Variants in TSPAN5 observed in about 807,000 individuals in gnomAD.
The protein encoded by TSPAN5 is tetraspanin 5, also known as tetraspanin-5.
A neutral mutation model predicts 37.1 loss-of-function variants in TSPAN5; 10 were observed. That is an observed-to-expected ratio of 0.27 (90% confidence interval 0.17 to 0.46). TSPAN5 has a LOEUF of 0.46. Among genes scored for constraint, TSPAN5 ranks in the 20% least tolerant of loss-of-function variants. TSPAN5 has a pLI of 1.00. For missense variants in TSPAN5, 195 were observed against 326.6 expected, an observed-to-expected ratio of 0.60 and a Z score of 3.11; for synonymous variants, 110 against 118.9, an observed-to-expected ratio of 0.93 and a Z score of 0.48.
At chr4:98,537,791 C>T (rs902392694) in intron 1 of TSPAN5, among the ~76,000 whole-genome samples, 1 of 152,242 alleles carries the variant, frequency 6.6e-6, no homozygotes, top group Non-Finnish European at 1.5e-5. Flanking sequence ...CTTCCATCCA[C>T]ACCCCTCTGC....
Position 98,616,815 on chromosome 4 carries a change from T to TACAC in TSPAN5, c.81+41327_81+41330dup, listed in dbSNP as rs143467080. Among the ~76,000 whole-genome samples the TACAC allele has an allele frequency of 7.7e-3, 1,165 of 152,056 alleles. 13 individuals carry two copies. Among genetic ancestry groups the TACAC allele is most frequent in the South Asian group, 0.043 (206 of 4,808 alleles). On this transcript the variant is annotated intron_variant, in intron 1 of 7. Coordinates refer to ENST00000305798, the MANE Select transcript of TSPAN5 (RefSeq NM_005723.4). ...GGTCCTTCTCTCCATAAAATAACGATACACTCCAATTTCCAAATTCTTGAA... is the reference window on the plus strand; with the variant it reads ...GGTCCTTCTCTCCATAAAATAACGATACACACACTCCAATTTCCAAATTCTTGAA...
intron 1 of TSPAN5, among the ~76,000 whole-genome samples, chr4:98,610,817 T>C (rs1756168107): frequency 6.6e-6 from 1 of 152,140 alleles, no homozygotes; most frequent in African/African-American, 2.4e-5. Flanking sequence ...ACTAATGTGG[T>C]AGTCAGTGCC....
At chr4:98,574,045 G>A (rs1430846483) in intron 1 of TSPAN5, among the ~76,000 whole-genome samples, 1 of 152,144 alleles carries the variant, frequency 6.6e-6, no homozygotes, top group African/African-American at 2.4e-5. Flanking sequence ...ATTTTAAAAA[G>A]GCCAAGAGTT....
At chr4:98,491,486 G>A (rs1388258808) in intron 2 of TSPAN5, among the ~76,000 whole-genome samples, 2 of 152,082 alleles carry the variant, frequency 1.3e-5, no homozygotes, top group African/African-American at 4.8e-5. Flanking sequence ...TCAAGAAATC[G>A]AGACCATCCT....
chr4:98,487,484 T>G (rs976717526), intron 2 of TSPAN5, among the ~76,000 whole-genome samples: 3 of 152,132 alleles, frequency 2.0e-5, no homozygotes, highest in Non-Finnish European at 4.4e-5. Context: ...GCAAAGCCCT[T>G]GGCATTTCTC....
intron 1 of TSPAN5, among the ~76,000 whole-genome samples, chr4:98,512,287 G>C (rs934609525): frequency 1.2e-4 from 18 of 152,162 alleles, no homozygotes; most frequent in African/African-American, 3.9e-4. Flanking sequence ...ACATTGCTCA[G>C]AAAATCTGAA....
intron 1 of TSPAN5, among the ~76,000 whole-genome samples, chr4:98,582,191 A>G (rs1755384074): frequency 6.6e-6 from 1 of 152,232 alleles, no homozygotes; most frequent in Non-Finnish European, 1.5e-5. Context: ...TCTCTTGTCC[A>G]GCGCATAGCC....
chr4:98,553,954 C>A (rs1463653824), intron 1 of TSPAN5, among the ~76,000 whole-genome samples: 3 of 152,088 alleles, frequency 2.0e-5, no homozygotes, highest in East Asian at 1.9e-4. Flanking sequence ...GTAATCCCAG[C>A]TACTCAGGAG....
intron 1 of TSPAN5, among the ~76,000 whole-genome samples, chr4:98,520,593 G>T (rs1001690480): frequency 5.9e-5 from 9 of 152,198 alleles, no homozygotes; most frequent in African/African-American, 2.2e-4. Context: ...GAGCTGCAGA[G>T]TAACTGTGTG....
chr4:98,639,169 C>G (rs1756914996), intron 1 of TSPAN5, among the ~76,000 whole-genome samples: 2 of 152,162 alleles, frequency 1.3e-5, no homozygotes, highest in Non-Finnish European at 2.9e-5. Context: ...AGATGACTAT[C>G]CTTACGGGGT....
intron 1 of TSPAN5, among the ~76,000 whole-genome samples, chr4:98,625,777 T>G (rs12509170): frequency 0.42 from 63,713 of 151,990 alleles, 13,681 homozygotes; most frequent in African/African-American, 0.47. Context: ...AAACCACGTT[T>G]AAAAGCAAGA....
intron 1 of TSPAN5, among the ~76,000 whole-genome samples, chr4:98,606,402 A>T (rs1178197423): frequency 6.6e-6 from 1 of 152,220 alleles, no homozygotes; most frequent in Non-Finnish European, 1.5e-5. Flanking sequence ...TTGCTTTATG[A>T]GCTACTCCAG....
intron 1 of TSPAN5, among the ~76,000 whole-genome samples, chr4:98,629,774 G>A (rs1756700608): frequency 6.6e-6 from 1 of 152,142 alleles, no homozygotes; most frequent in African/African-American, 2.4e-5. Flanking sequence ...AAACACCAAT[G>A]AAGAAAAAGA....
chr4:98,496,423 A>G (rs2110274810), intron 2 of TSPAN5: 1 of 152,350 alleles, frequency 6.6e-6, no homozygotes, highest in African/African-American at 2.4e-5. Flanking sequence ...AAGAGATACA[A>G]GGATAAAAGA....
intron 1 of TSPAN5, among the ~76,000 whole-genome samples, chr4:98,608,704 G>A (rs575126581): frequency 6.6e-6 from 1 of 152,088 alleles, no homozygotes. Context: ...CTGTTAGGGG[G>A]GAAATAGACT....
At chr4:98,602,021 C>A (rs1452038912) in intron 1 of TSPAN5, among the ~76,000 whole-genome samples, 1 of 152,160 alleles carries the variant, frequency 6.6e-6, no homozygotes, top group Non-Finnish European at 1.5e-5. Context: ...TGCCTTCTTA[C>A]ATGGGCGTGG....
At chr4:98,601,514 T>C (rs1261044146) in intron 1 of TSPAN5, among the ~76,000 whole-genome samples, 2 of 152,240 alleles carry the variant, frequency 1.3e-5, no homozygotes, top group South Asian at 4.1e-4. Context: ...GAACCAACTT[T>C]GGCTAGACTC....
At position 98,473,059 on chromosome 4, in the gene TSPAN5, T is replaced by C. The variant is rs77059399; in HGVS notation, c.742-472A>G. 3.9e-3 allele frequency among the ~76,000 whole-genome samples: 588 copies of C among 152,338 alleles called. 6 individuals carry two copies. Among genetic ancestry groups the C allele is most frequent in the African/African-American group, 0.014 (563 of 41,576 alleles). ...TATTCCATGGCATGGATATGCCCCA[T>C]TTTGTTTATCTACTCCTCAGTTGAT... On this transcript the variant is annotated intron_variant, in intron 7 of 7. Transcript: ENST00000305798.
chr4:98,530,402 T>G (rs1217167059), intron 1 of TSPAN5, among the ~76,000 whole-genome samples: 2 of 152,168 alleles, frequency 1.3e-5, no homozygotes, highest in Non-Finnish European at 2.9e-5. Context: ...ATCATACAAA[T>G]GAGGAAACAG....
Sources: allele counts gnomAD v4.1 joint callset (sites outside exome capture counted in the v4.1 genomes callset), GRCh38; gene constraint gnomAD v4.1.1; transcripts MANE v1.5; gene names NCBI Gene and HGNC (gene_info 2026-07-23, HGNC 2026-07-21).